The following SLC6A15 variants were observed in gnomAD, a reference collection of about 807,000 sequenced individuals.
SLC6A15 encodes the protein solute carrier family 6 member 15.
Under a neutral mutation model 68.5 loss-of-function variants are expected in SLC6A15, and 33 were observed. The ratio of observed to expected loss-of-function variants is 0.48; its 90% CI spans 0.37 to 0.64. SLC6A15 has a LOEUF of 0.64. SLC6A15 is among the 30% of genes least tolerant of loss of function. The pLI is 0.00. For synonymous variants in SLC6A15, 347 were observed against 301.0 expected (o/e 1.15, Z -1.58); for missense variants, 747 against 874.3 (o/e 0.85, Z 1.84).
At position 84,875,699 on chromosome 12, in the gene SLC6A15, T is replaced by TATATATATA. The variant is rs1565723353; in HGVS notation, c.867+797_867+798insTATATATAT. Among the ~76,000 whole-genome samples the TATATATATA allele has an allele frequency of 4.7e-3, 65 of 13,930 alleles. 23 individuals are homozygous for TATATATATA. Among genetic ancestry groups the TATATATATA allele is most frequent in the East Asian group, 0.014 (6 of 442 alleles). The allele number at this position is 13,930 out of a possible 152,430, so 9.1% of individuals were successfully genotyped here. ...ATATATATATATATATATATATATA[T>TATATATATA]GAGAATCAAAAACGTGGTCCCTGTT... On this transcript the variant is annotated intron_variant, in intron 6 of 11. Coordinates refer to ENST00000266682, the MANE Select transcript of SLC6A15 (RefSeq NM_182767.6).
At chr12:84,891,420 A>T (rs1872385289) in intron 2 of SLC6A15, among the ~76,000 whole-genome samples, 1 of 149,482 alleles carries the variant, frequency 6.7e-6, no homozygotes, top group Non-Finnish European at 1.5e-5. Flanking sequence ...GAGGCAACTT[A>T]AAATTAAGAA....
intron 3 of SLC6A15, 137 bp from the exon 4 acceptor site, chr12:84,885,698 T>C (rs1480970618): frequency 1.8e-6 from 2 of 1,091,592 alleles, no homozygotes; most frequent in Non-Finnish European, 2.6e-6. Flanking sequence ...TTATCTTTTC[T>C]AAAAAGTTAA....
intron 2 of SLC6A15, 94 bp from the exon 3 acceptor site, chr12:84,886,162 C>T (rs1872092495): frequency 4.9e-6 from 4 of 812,942 alleles, no homozygotes; most frequent in Non-Finnish European, 7.4e-6. Flanking sequence ...ATTTGAATTA[C>T]TATATAGTGC....
chr12:84,882,295 G>A (rs1871854877), intron 5 of SLC6A15: 3 of 985,192 alleles, frequency 3.0e-6, no homozygotes, highest in African/African-American at 3.5e-5. Flanking sequence ...AATGTGACGG[G>A]AATGTGGCTC....
intron 1 of SLC6A15, among the ~76,000 whole-genome samples, chr12:84,900,387 A>G (rs12297459): frequency 0.016 from 2,384 of 152,090 alleles, 70 homozygotes; most frequent in African/African-American, 0.053. Flanking sequence ...TTACATAATC[A>G]TGTCATCAGT....
At chr12:84,888,284 A>C (rs1158325490) in intron 2 of SLC6A15, among the ~76,000 whole-genome samples, 1 of 150,922 alleles carries the variant, frequency 6.6e-6, no homozygotes, top group Non-Finnish European at 1.5e-5. Flanking sequence ...AAAGCCAAAA[A>C]CAAAAACAAA....
chr12:84,876,644 A>G (rs762639293), intron 5 of SLC6A15, 37 bp from the exon 6 acceptor site: 2 of 1,011,274 alleles, frequency 2.0e-6, no homozygotes, highest in Admixed American at 4.8e-5. Flanking sequence ...GTGAGATACA[A>G]TGACCATTTT....
intron 1 of SLC6A15, among the ~76,000 whole-genome samples, chr12:84,897,717 A>G (rs1000483297): frequency 6.6e-6 from 1 of 152,146 alleles, no homozygotes; most frequent in Non-Finnish European, 1.5e-5. Flanking sequence ...CGATTATAAA[A>G]GCCACAGGCA....
chr12:84,871,620 T>C (rs1406092011), intron 8 of SLC6A15, among the ~76,000 whole-genome samples: 2 of 152,130 alleles, frequency 1.3e-5, no homozygotes, highest in African/African-American at 4.8e-5. Flanking sequence ...ATTAATTAAA[T>C]ATTTCCTTAA....
chr12:84,909,108 G>C (rs1402973099), intron 1 of SLC6A15, among the ~76,000 whole-genome samples: 1 of 152,084 alleles, frequency 6.6e-6, no homozygotes, highest in Non-Finnish European at 1.5e-5. Context: ...AATAGCCCTT[G>C]ATAAAAATTG....
In SLC6A15 at chr12:84,888,458, A is replaced by G. The variant is rs191377760; in HGVS notation, c.290-2390T>C. ...AAAAAGGAACAAAATAATGCCCTTC[A>G]TATTAAATTGAATGGAGCTGGAGGC... On this transcript the variant is annotated intron_variant, in intron 2 of 11. Coordinates refer to ENST00000266682, the MANE Select transcript of SLC6A15 (RefSeq NM_182767.6). Among the ~76,000 whole-genome samples, 216 of 152,302 alleles carry G rather than the reference A, an allele frequency of 1.4e-3. 2 individuals carry two copies. Among genetic ancestry groups the G allele is most frequent in the South Asian group, 1.4e-3 (7 of 4,830 alleles).
chr12:84,873,836 T>TC (rs1871398375), intron 6 of SLC6A15, among the ~76,000 whole-genome samples: 1 of 152,202 alleles, frequency 6.6e-6, no homozygotes, highest in South Asian at 2.1e-4. Context: ...TATGTATTCT[T>TC]CATTCATTCA....
intron 1 of SLC6A15, among the ~76,000 whole-genome samples, chr12:84,908,387 T>C (rs1056764882): frequency 5.9e-5 from 9 of 151,908 alleles, no homozygotes; most frequent in African/African-American, 2.2e-4. Flanking sequence ...AAGAGGAAGC[T>C]TTCTTGTAAA....
At chr12:84,872,463 A>T (rs1871326805) in intron 8 of SLC6A15, 139 bp downstream of exon 8, 3 of 521,168 alleles carry the variant, frequency 5.8e-6, no homozygotes, top group Non-Finnish European at 9.9e-6. Flanking sequence ...TGAAGGACTT[A>T]TAATGCCCAG....
intron 5 of SLC6A15, among the ~76,000 whole-genome samples, chr12:84,877,076 C>T (rs898677636): frequency 6.6e-6 from 1 of 152,144 alleles, no homozygotes; most frequent in Non-Finnish European, 1.5e-5. Context: ...AGAACCCAAA[C>T]AATCAAACGT....
chr12:84,911,502 G>C (rs1873460510), intron 1 of SLC6A15, among the ~76,000 whole-genome samples: 1 of 152,182 alleles, frequency 6.6e-6, no homozygotes, highest in Non-Finnish European at 1.5e-5. Context: ...AAGGGAAAGC[G>C]GGACGCTGGA....
intron 5 of SLC6A15, among the ~76,000 whole-genome samples, chr12:84,879,107 G>A (rs966919951): frequency 2.0e-5 from 3 of 151,716 alleles, no homozygotes; most frequent in Admixed American, 6.6e-5. Flanking sequence ...ATCATCCTTC[G>A]TCTTCCACAA....
intron 5 of SLC6A15, chr12:84,881,492 T>C: frequency 1.0e-6 from 1 of 985,394 alleles, no homozygotes; most frequent in Non-Finnish European, 1.2e-6. Flanking sequence ...TTCAGTAAAA[T>C]CCAGTATTGC....
intron 10 of SLC6A15, among the ~76,000 whole-genome samples, chr12:84,865,990 C>T (rs763770227): frequency 7.2e-5 from 11 of 152,210 alleles, no homozygotes; most frequent in Non-Finnish European, 1.5e-4. Context: ...AGAGCTATTA[C>T]TACTATTATT....
Sources: gnomAD v4.1 joint callset for allele counts (sites outside exome capture counted in the v4.1 genomes callset) on GRCh38, gnomAD v4.1.1 for gene constraint, MANE v1.5 for transcripts, NCBI Gene and HGNC (gene_info 2026-07-23, HGNC 2026-07-21) for gene names.